Variants in NRXN3 observed in about 807,000 individuals in gnomAD.
NRXN3 encodes the protein neurexin III.
NRXN3 carries 32 observed loss-of-function variants against 137.6 expected under a neutral mutation model. The observed-to-expected ratio is 0.23, with a 90% CI of 0.18 to 0.31. NRXN3 has a LOEUF of 0.31. Among genes scored for constraint, NRXN3 ranks in the 10% least tolerant of loss-of-function variants. The probability of loss-of-function intolerance (pLI) is 1.00; values close to 1 mark genes in which losing one functional copy is unlikely to be tolerated. For missense variants in NRXN3, 1,574 were observed against 2,062.5 expected (o/e 0.76, Z 4.59); for synonymous variants, 798 against 784.5 (o/e 1.02, Z -0.29).
At chr14:78,934,529 G>A (rs747681811) in intron 10 of NRXN3, among the ~76,000 whole-genome samples, 24 of 152,076 alleles carry the variant, frequency 1.6e-4, no homozygotes, top group Non-Finnish European at 2.6e-4. Context: ...CACAAACCAC[G>A]GCAGCTCCAA....
chr14:79,612,332 G>C (rs2098113172), intron 16 of NRXN3, among the ~76,000 whole-genome samples: 1 of 152,178 alleles, frequency 6.6e-6, no homozygotes, highest in African/African-American at 2.4e-5. Flanking sequence ...TGAAGAGCTG[G>C]TCGGGTGTCT....
intron 17 of NRXN3, among the ~76,000 whole-genome samples, chr14:79,672,277 A>G (rs1406465446): frequency 2.0e-5 from 3 of 152,044 alleles, no homozygotes; most frequent in African/African-American, 7.2e-5. Flanking sequence ...CCATATGTTA[A>G]ATGTTATAAA....
intron 15 of NRXN3, among the ~76,000 whole-genome samples, chr14:79,044,873 T>C (rs2099630680): frequency 6.6e-6 from 1 of 151,896 alleles, no homozygotes; most frequent in African/African-American, 2.4e-5. Flanking sequence ...ATTCTCAGCA[T>C]TTTCTTCCAG....
chr14:79,659,931 A>G (rs1168528187), intron 16 of NRXN3, among the ~76,000 whole-genome samples: 2 of 152,172 alleles, frequency 1.3e-5, no homozygotes, highest in African/African-American at 4.8e-5. Context: ...TTTATCTCAT[A>G]TATTTATGTA....
chr14:78,833,378 C>T (rs149424763), intron 10 of NRXN3, among the ~76,000 whole-genome samples: 15 of 152,244 alleles, frequency 9.9e-5, no homozygotes, highest in East Asian at 9.7e-4. Context: ...CATTCATTTC[C>T]GCAGTCTCCT....
chr14:78,783,170 C>A lies in NRXN3; in HGVS notation c.2045-20450C>A, dbSNP rs547423487. 1.1e-4 allele frequency among the ~76,000 whole-genome samples: 17 copies of A among 152,232 alleles called. No homozygotes were observed. In the South Asian group the frequency reaches 2.7e-3, roughly 24 times the overall value. On this transcript the variant is annotated intron_variant, in intron 8 of 20. Transcript: ENST00000335750. ...GGAACTTGGAAGATCCTGACTTTAT[C>A]AAATAAGCAGGAAATTATCACCAGG... is the stretch of plus-strand genomic sequence containing the variant.
chr14:78,534,445 A>G (rs2096510745), intron 4 of NRXN3, among the ~76,000 whole-genome samples: 1 of 152,234 alleles, frequency 6.6e-6, no homozygotes, highest in Non-Finnish European at 1.5e-5. Flanking sequence ...TCATAATCAT[A>G]TTCAGAAAGT....
chr14:79,280,109 T>C (rs1188198813), intron 15 of NRXN3: 9 of 1,407,742 alleles, frequency 6.4e-6, no homozygotes, highest in Non-Finnish European at 8.3e-6. Context: ...CTTTTTTTTT[T>C]CTTTCTTTAA....
chr14:79,003,501 G>C (rs1292964679), intron 15 of NRXN3, among the ~76,000 whole-genome samples: 5 of 152,126 alleles, frequency 3.3e-5, no homozygotes, highest in Non-Finnish European at 5.9e-5. Flanking sequence ...AAGCTCTAAG[G>C]CCAGGCCAGC....
At chr14:78,448,042 T>G (rs575024647) in intron 4 of NRXN3, among the ~76,000 whole-genome samples, 3 of 152,182 alleles carry the variant, frequency 2.0e-5, no homozygotes, top group African/African-American at 7.2e-5. Context: ...ATCTTCTTCA[T>G]CTCTTCTTTT....
At chr14:78,718,992 A>G (rs1282159120) in intron 8 of NRXN3, among the ~76,000 whole-genome samples, 1 of 152,246 alleles carries the variant, frequency 6.6e-6, no homozygotes, top group Non-Finnish European at 1.5e-5. Context: ...TTAAGGAGCT[A>G]TGATCACTTG....
chr14:79,553,987 C>T (rs1295509095), intron 16 of NRXN3, among the ~76,000 whole-genome samples: 1 of 152,094 alleles, frequency 6.6e-6, no homozygotes, highest in Non-Finnish European at 1.5e-5. Context: ...TCATCTATAT[C>T]ATAGCTGAAA....
At chr14:79,244,015 A>G (rs923631574) in intron 15 of NRXN3, among the ~76,000 whole-genome samples, 1 of 152,112 alleles carries the variant, frequency 6.6e-6, no homozygotes, top group Non-Finnish European at 1.5e-5. Context: ...CTTGTTCTTC[A>G]AGGACCCAGT....
intron 16 of NRXN3, among the ~76,000 whole-genome samples, chr14:79,504,672 T>TATATATATATATATATATATATAG (rs2096859149): frequency 6.9e-6 from 1 of 144,140 alleles, no homozygotes; most frequent in Non-Finnish European, 1.5e-5. Context: ...TATATATATA[T>TATATATATATATATATATATATAG]ATAAAACATT....
intron 15 of NRXN3, among the ~76,000 whole-genome samples, chr14:79,046,169 T>C (rs966755618): frequency 8.5e-5 from 13 of 152,328 alleles, no homozygotes; most frequent in Non-Finnish European, 1.8e-4. Context: ...TTTGCATTTC[T>C]GAAAGCTTCC....
intron 10 of NRXN3, among the ~76,000 whole-genome samples, chr14:78,830,380 T>A (rs186713917): frequency 1.8e-4 from 27 of 152,276 alleles, no homozygotes; most frequent in African/African-American, 4.8e-4. Context: ...ATTCTCAATT[T>A]ATGTTTGATT....
In NRXN3 at chr14:79,767,821, C is replaced by T. The variant is rs140714036; in HGVS notation, c.4015-37291C>T. On this transcript the variant is annotated intron_variant, in intron 19 of 20. Transcript: ENST00000335750. ...GGTCTACAGCTCCCAGCGGGAGCAA[C>T]GCAGAAGATGGGTGATTTCTGCATT... Among the ~76,000 whole-genome samples the T allele has an allele frequency of 1.8e-3, 268 of 152,264 alleles. 2 individuals carry two copies. The highest frequency in any genetic ancestry group is 3.9e-3 in the African/African-American group (162 of 41,556).
At chr14:79,188,871 A>C (rs1236060674) in intron 15 of NRXN3, among the ~76,000 whole-genome samples, 1 of 152,186 alleles carries the variant, frequency 6.6e-6, no homozygotes, top group African/African-American at 2.4e-5. Flanking sequence ...GGCAATCATT[A>C]AAAAGTCAGG....
chr14:78,676,254 G>A (rs2098004725), intron 6 of NRXN3, among the ~76,000 whole-genome samples: 1 of 152,182 alleles, frequency 6.6e-6, no homozygotes, highest in South Asian at 2.1e-4. Context: ...TAGGCTGAAA[G>A]CTAGGCCTTT....
Sources: gnomAD v4.1 joint callset for allele counts (sites outside exome capture counted in the v4.1 genomes callset) on GRCh38, gnomAD v4.1.1 for gene constraint, MANE v1.5 for transcripts, NCBI Gene and HGNC (gene_info 2026-07-23, HGNC 2026-07-21) for gene names.